ZNF254: variants seen among roughly 807,000 people sequenced by gnomAD.
ZNF254 encodes zinc finger protein 254, also known as CTD-2017D11.1.
ZNF254 carries 10 observed loss-of-function variants against 12.4 expected under a neutral mutation model. The ratio of observed to expected loss-of-function variants is 0.80; its 90% confidence interval spans 0.50 to 1.36. The LOEUF is 1.36. ZNF254 is among the 40% of genes most tolerant of loss of function. The probability of loss-of-function intolerance (pLI) is 0.00; values close to 1 mark genes in which losing one functional copy is unlikely to be tolerated. For missense variants in ZNF254, 996 were observed against 763.9 expected (o/e 1.30, Z -3.58); for synonymous variants, 305 against 253.4 (o/e 1.20, Z -1.93).
chr19:24,035,839 T>C (rs1481652303), intron 1 of ZNF254, among the ~76,000 whole-genome samples: 1 of 152,178 alleles, frequency 6.6e-6, no homozygotes, highest in African/African-American at 2.4e-5. Flanking sequence ...TTAGACAGTC[T>C]GTGGCTTCAT....
intron 3 of ZNF254, chr19:24,106,932 T>C: frequency 2.4e-6 from 1 of 416,224 alleles, no homozygotes; most frequent in Non-Finnish European, 4.2e-6. Flanking sequence ...TTTTCTTGTT[T>C]TGTGGACAGA....
At chr19:24,072,497 G>A (rs1393520457) in intron 2 of ZNF254, among the ~76,000 whole-genome samples, 1 of 152,116 alleles carries the variant, frequency 6.6e-6, no homozygotes, top group Non-Finnish European at 1.5e-5. Context: ...TCAGCCCTGT[G>A]TATTTTGGGT....
chr19:24,104,438 A>C (rs560617214), intron 1 of ZNF254: 3 of 152,038 alleles, frequency 2.0e-5, no homozygotes, highest in Non-Finnish European at 4.4e-5. Flanking sequence ...AGAAAAAGTG[A>C]CTTTTTTTTT....
At chr19:24,080,473 G>T (rs914665319) in intron 2 of ZNF254, 1 of 152,178 alleles carries the variant, frequency 6.6e-6, no homozygotes, top group African/African-American at 2.4e-5. Context: ...TTCCACCACG[G>T]TTTCCATCAG....
At chr19:24,055,205 CAA>C (rs71167733) in intron 2 of ZNF254, among the ~76,000 whole-genome samples, 1,206 of 28,128 alleles carry the variant, frequency 0.043, 17 homozygotes, top group South Asian at 0.1. Flanking sequence ...TCTGTCTCAC[CAA>C]AAAAAAAAAA....
chr19:24,092,228 G>A (rs1422139436), intron 1 of ZNF254, among the ~76,000 whole-genome samples: 1 of 127,212 alleles, frequency 7.9e-6, no homozygotes, highest in East Asian at 2.4e-4. Context: ...AGTGCAGTGG[G>A]CGATCTCGGC....
chr19:24,035,385 A>G (rs1969927913), intron 1 of ZNF254, among the ~76,000 whole-genome samples: 2 of 151,362 alleles, frequency 1.3e-5, no homozygotes, highest in Non-Finnish European at 2.9e-5. Flanking sequence ...CTGGTCCAAA[A>G]CTCCTGACCT....
chr19:24,053,444 G>A (rs1208091039), intron 2 of ZNF254, among the ~76,000 whole-genome samples: 1 of 152,150 alleles, frequency 6.6e-6, no homozygotes, highest in Non-Finnish European at 1.5e-5. Context: ...TCCTGCCTGG[G>A]CCCAACGTAC....
At chr19:24,049,214 ATTT>A (rs66491625) in intron 2 of ZNF254, among the ~76,000 whole-genome samples, 161 of 40,844 alleles carry the variant, frequency 3.9e-3, no homozygotes, top group Non-Finnish European at 4.7e-3. Flanking sequence ...ATATATATAT[ATTT>A]TTTTTTTTTT....
chr19:24,123,933 CTATT>C (rs1180892226), intron 3 of ZNF254, among the ~76,000 whole-genome samples: 3 of 151,816 alleles, frequency 2.0e-5, no homozygotes, highest in Non-Finnish European at 1.5e-5. Flanking sequence ...TTTAATAAAA[CTATT>C]TATTGAAAAT....
intron 1 of ZNF254, chr19:24,098,966 CTT>C (rs1972830635): frequency 1.5e-5 from 2 of 134,510 alleles, no homozygotes; most frequent in South Asian, 5.3e-4. Flanking sequence ...GCAGGCTCTT[CTT>C]CTGCAGCTCA....
intron 2 of ZNF254, among the ~76,000 whole-genome samples, chr19:24,065,242 T>C (rs1971227914): frequency 6.6e-6 from 1 of 152,226 alleles, no homozygotes; most frequent in Admixed American, 6.5e-5. Flanking sequence ...CCAGGTGTTT[T>C]GTCTATCTTT....
At chr19:24,081,722 G>A (rs56195414) in intron 2 of ZNF254, among the ~76,000 whole-genome samples, 2,040 of 152,196 alleles carry the variant, frequency 0.013, 21 homozygotes, top group Middle Eastern at 0.024. Context: ...AGATGCCCCC[G>A]TGTAAAGGGT....
intron 3 of ZNF254, among the ~76,000 whole-genome samples, chr19:24,115,835 G>A (rs537212878): frequency 1.2e-4 from 19 of 152,030 alleles, no homozygotes; most frequent in African/African-American, 3.4e-4. Context: ...GGCTGGTACC[G>A]GTTGTTCCTT....
chr19:24,127,067 G>A lies in ZNF254; in HGVS notation c.1067G>A (p.Gly356Asp), dbSNP rs759784566. ...GEKPYKCEEC[G>D]KAFSQSSTLT... is the part of the protein sequence containing the mutation. The stretch of plus-strand genomic sequence containing the variant: ...AAACCCTACAAATGTGAAGAATGTG[G>A]CAAAGCTTTTAGCCAGTCCTCAACC... The change falls in exon 4 of 4, where the codon GGC becomes GAC. Residue 356 changes from glycine (G) to aspartate (D), a missense_variant. Transcript: ENST00000357002. The A allele has an allele frequency of 3.2e-5, 51 of 1,613,236 alleles. No individual in the cohort carries two copies. Among genetic ancestry groups the A allele is most frequent in the Admixed American group, 1.0e-4 (6 of 59,908 alleles).
At chr19:24,054,423 C>T (rs913146394) in intron 2 of ZNF254, among the ~76,000 whole-genome samples, 3 of 152,144 alleles carry the variant, frequency 2.0e-5, no homozygotes, top group Non-Finnish European at 2.9e-5. Context: ...TCTCATAGCT[C>T]GACTTAGATA....
intron 2 of ZNF254, chr19:24,080,748 C>G (rs191397197): frequency 2.0e-4 from 30 of 147,498 alleles, no homozygotes; most frequent in African/African-American, 7.1e-4. Flanking sequence ...TGCCACTGCA[C>G]TCCAGCCTGG....
chr19:24,072,722 A>T (rs939098767), intron 2 of ZNF254, among the ~76,000 whole-genome samples: 4 of 152,194 alleles, frequency 2.6e-5, no homozygotes, highest in Non-Finnish European at 4.4e-5. Flanking sequence ...AAACTGTGAC[A>T]TATAACTTGG....
intron 1 of ZNF254, among the ~76,000 whole-genome samples, chr19:24,043,812 A>G (rs1158384632): frequency 1.3e-5 from 2 of 152,080 alleles, no homozygotes; most frequent in African/African-American, 2.4e-5. Flanking sequence ...CATTTGATCA[A>G]TTTTCTGTTG....
Sources: gnomAD v4.1 joint callset for allele counts (sites outside exome capture counted in the v4.1 genomes callset) on GRCh38, gnomAD v4.1.1 for gene constraint, MANE v1.5 for transcripts, NCBI Gene and HGNC (gene_info 2026-07-23, HGNC 2026-07-21) for gene names.